The following GOLM1 variants were observed in gnomAD, a reference collection of about 807,000 sequenced individuals.
The protein encoded by GOLM1 is epididymis luminal protein 46.
GOLM1 carries 31 observed loss-of-function variants against 50.5 expected under a neutral mutation model. That is an observed-to-expected ratio of 0.61 (90% CI 0.46 to 0.83). The LOEUF is 0.83. Ranked by LOEUF, GOLM1 falls within the 40% of genes least tolerant of loss-of-function variation. The pLI, the probability that GOLM1 is intolerant of heterozygous loss-of-function variation, is 0.00. For missense variants in GOLM1, 491 were observed against 501.3 expected (o/e 0.98, Z 0.20); for synonymous variants, 178 against 192.8 (o/e 0.92, Z 0.64).
At chr9:86,079,437 G>T in intron 1 of GOLM1, 96 bp from the exon 2 acceptor site, 2 of 1,006,778 alleles carry the variant, frequency 2.0e-6, no homozygotes, top group Non-Finnish European at 2.9e-6. Flanking sequence ...AAGGAGTCTT[G>T]CCAAGAAGCG....
intron 1 of GOLM1, among the ~76,000 whole-genome samples, chr9:86,088,439 T>TGC (rs1354833111): frequency 8.3e-6 from 1 of 120,586 alleles, no homozygotes; most frequent in Admixed American, 8.7e-5. Context: ...TATATATATA[T>TGC]ATATATATAT....
intron 4 of GOLM1, among the ~76,000 whole-genome samples, chr9:86,050,820 G>A (rs1163472102): frequency 6.6e-6 from 1 of 152,062 alleles, no homozygotes; most frequent in Non-Finnish European, 1.5e-5. Context: ...ACCAGCTCCT[G>A]GATTCATTGA....
chr9:86,094,390 G>A (rs1835287484), intron 1 of GOLM1, among the ~76,000 whole-genome samples: 1 of 152,120 alleles, frequency 6.6e-6, no homozygotes, highest in Non-Finnish European at 1.5e-5. Flanking sequence ...ACTGTGTTCT[G>A]CTTAAATTGC....
At chr9:86,099,368 GACC>G (rs1835459393) in intron 1 of GOLM1, 40 bp downstream of exon 1, 1 of 152,092 alleles carries the variant, frequency 6.6e-6, no homozygotes, top group Non-Finnish European at 1.5e-5. Context: ...GGAAGCGATG[GACC>G]GCGGTTCGGG....
intron 6 of GOLM1, among the ~76,000 whole-genome samples, chr9:86,037,367 G>T (rs1260509416): frequency 6.6e-6 from 1 of 151,772 alleles, no homozygotes; most frequent in Non-Finnish European, 1.5e-5. Flanking sequence ...GAACCTGGGA[G>T]GTGGAGGTTG....
intron 3 of GOLM1, among the ~76,000 whole-genome samples, chr9:86,055,611 C>A (rs1833962564): frequency 6.6e-6 from 1 of 152,086 alleles, no homozygotes; most frequent in Non-Finnish European, 1.5e-5. Context: ...GCTACCTTTA[C>A]AAAGAAGGAA....
intron 1 of GOLM1, among the ~76,000 whole-genome samples, chr9:86,088,420 G>GTACATATATATATATATATATA (rs1554675516): frequency 5.8e-5 from 5 of 86,306 alleles, no homozygotes; most frequent in Admixed American, 1.2e-4. Flanking sequence ...TTTGAAGGGT[G>GTACATATATATATATATATATA]TATATATATA....
At chr9:86,091,347 G>A (rs1835179334) in intron 1 of GOLM1, among the ~76,000 whole-genome samples, 1 of 151,930 alleles carries the variant, frequency 6.6e-6, no homozygotes, top group Non-Finnish European at 1.5e-5. Flanking sequence ...CCAATGTACA[G>A]TTTCATATTT....
rs938117431 is a variant in GOLM1 at position 86,077,559 on chromosome 9, G to A, written c.162C>T (p.Arg54=). The A allele has an allele frequency of 6.2e-7, 1 of 1,613,674 alleles. No individual in the cohort carries two copies. Residue 54 remains arginine (R), a synonymous_variant, in exon 3 of 10, where the codon CGC becomes CGT. Coordinates refer to ENST00000388712, the MANE Select transcript of GOLM1 (RefSeq NM_016548.4). The stretch of plus-strand genomic sequence containing the variant: ...CGGCGCCTCTCTCTGCAGCCGCCCT[G>A]CGGACCCTGCCTTCCAGCTCCATGA... ...TRIMELEGRV[R]RAAAERGAVE... is the part of the protein sequence containing the mutation.
rs1223575879 is a variant in GOLM1 at position 86,040,802 on chromosome 9, G to T, written c.534C>A (p.Thr178=). ...AAGCTACAGCTTCATTCCCCTTTTT[G>T]GTGACCTCTTCTATTCGCTCCTCAC... ...EQCEERIEEV[T]KKGNEAVASR... is the part of the protein sequence containing the mutation. Residue 178 remains threonine (T), a synonymous_variant, in exon 6 of 10, where the codon ACC becomes ACA. Coordinates refer to ENST00000388712, the MANE Select transcript of GOLM1 (RefSeq NM_016548.4). 6.2e-7 allele frequency: 1 copy of T among 1,612,812 alleles called. No homozygotes were observed. The highest frequency in any genetic ancestry group is 1.1e-5 in the South Asian group (1 of 91,034).
intron 1 of GOLM1, among the ~76,000 whole-genome samples, chr9:86,092,884 T>C (rs975595492): frequency 6.6e-6 from 1 of 152,182 alleles, no homozygotes; most frequent in Admixed American, 6.5e-5. Context: ...GCGGATGAGA[T>C]GGAAGTGGGT....
At position 86,029,329 on chromosome 9, in the gene GOLM1, GC is replaced by G. The variant is rs367589395; in HGVS notation, c.1130-1437del. Among the ~76,000 whole-genome samples the G allele has an allele frequency of 1.2e-3, 190 of 152,168 alleles. 4 individuals are homozygous for G. In the South Asian group the frequency reaches 0.033, roughly 27 times the overall value. ...ATGACATTTTAAATATAATCACCAC[GC>G]TCCTGTGCGGCGTGACTCCCTTGCT... On this transcript the variant is annotated intron_variant, in intron 9 of 9. Transcript: ENST00000388712.
rs575628779 is a variant in GOLM1, at chr9:86,029,936, G to C, written c.1130-2043C>G. On this transcript the variant is annotated intron_variant, in intron 9 of 9. Transcript: ENST00000388712. Reference sequence around the variant, plus strand: ...CCAATTTAAAAGGTGGTTAGAGCCGGGGTGGTGGCTCACACCTGTAATCCC... The same window carrying C: ...CCAATTTAAAAGGTGGTTAGAGCCGCGGTGGTGGCTCACACCTGTAATCCC... Among the ~76,000 whole-genome samples the C allele has an allele frequency of 7.9e-5, 12 of 152,310 alleles. No individual in the cohort carries two copies. The East Asian group carries it at 2.1e-3, about 27-fold the overall frequency.
At chr9:86,070,574 AAAAAAAAAC>A (rs1446733769) in intron 3 of GOLM1, among the ~76,000 whole-genome samples, 1 of 151,684 alleles carries the variant, frequency 6.6e-6, no homozygotes, top group Admixed American at 6.6e-5. Context: ...CCACCTCAAA[AAAAAAAAAC>A]AAAAAAAACC....
At chr9:86,033,904 G>A (rs982720364) in intron 8 of GOLM1, among the ~76,000 whole-genome samples, 2 of 151,840 alleles carry the variant, frequency 1.3e-5, no homozygotes, top group South Asian at 2.1e-4. Flanking sequence ...GCTTTCAAGA[G>A]ACCTACTCAA....
chr9:86,087,011 C>T (rs534686711), intron 1 of GOLM1, among the ~76,000 whole-genome samples: 11 of 151,986 alleles, frequency 7.2e-5, no homozygotes, highest in Admixed American at 1.3e-4. Flanking sequence ...AGCTTGATGG[C>T]GATAGCATTG....
intron 3 of GOLM1, among the ~76,000 whole-genome samples, chr9:86,076,382 T>C (rs1336083588): frequency 2.5e-5 from 3 of 118,468 alleles, no homozygotes; most frequent in Non-Finnish European, 1.6e-5. Context: ...GAGGGCGCCA[T>C]TGCACTCCAG....
At chr9:86,054,600 G>C (rs1485307538) in intron 3 of GOLM1, among the ~76,000 whole-genome samples, 1 of 152,184 alleles carries the variant, frequency 6.6e-6, no homozygotes, top group South Asian at 2.1e-4. Context: ...GGAGGCACTG[G>C]CTGCTTAAAT....
intron 9 of GOLM1, among the ~76,000 whole-genome samples, chr9:86,031,925 C>CAAAAAA (rs1043805404): frequency 2.2e-4 from 8 of 36,060 alleles, no homozygotes; most frequent in East Asian, 1.1e-3. Context: ...GACTCCATCT[C>CAAAAAA]AAAAAAAAAA....
Sources: allele counts gnomAD v4.1 joint callset (sites outside exome capture counted in the v4.1 genomes callset), GRCh38; gene constraint gnomAD v4.1.1; transcripts MANE v1.5; gene names NCBI Gene and HGNC (gene_info 2026-07-23, HGNC 2026-07-21).